LARS1: variants seen among roughly 807,000 people sequenced by gnomAD.
The protein encoded by LARS1 is leucine--tRNA ligase, cytoplasmic.
In LARS1, 100 loss-of-function variants were observed where a neutral mutation model predicts 162.8. The observed-to-expected ratio is 0.61, with a 90% CI of 0.52 to 0.73. The LOEUF (loss-of-function observed/expected upper bound fraction) is 0.73, where lower values mean the gene tolerates loss of function less well. Ranked by LOEUF, LARS1 falls within the 30% of genes least tolerant of loss-of-function variation. LARS1 has a pLI of 0.00. For synonymous variants in LARS1, 457 were observed against 462.8 expected (o/e 0.99, Z 0.16); for missense variants, 1,258 against 1,408.9 (o/e 0.89, Z 1.71).
intron 21 of LARS1, 43 bp from the exon 22 acceptor site, chr5:146,135,707 T>C (rs781695314): frequency 1.4e-6 from 2 of 1,404,130 alleles, no homozygotes; most frequent in Non-Finnish European, 2.0e-6. Flanking sequence ...AACAGTAATA[T>C]AAATAAACCA....
At chr5:146,160,263 T>C (rs938044301) in intron 7 of LARS1, 111 bp downstream of exon 7, 3 of 533,978 alleles carry the variant, frequency 5.6e-6, no homozygotes, top group Non-Finnish European at 9.7e-6. Flanking sequence ...CTCAAACTCC[T>C]GGCCTCAAGC....
At chr5:146,151,192 T>G (rs886483891) in intron 14 of LARS1, among the ~76,000 whole-genome samples, 10 of 152,190 alleles carry the variant, frequency 6.6e-5, no homozygotes, top group Non-Finnish European at 1.2e-4. Flanking sequence ...GTTGCTTTTA[T>G]CATCATTCAA....
rs145152219 is a variant in LARS1 at position 146,151,642 on chromosome 5, T to G, written c.1425+220A>C. Among the ~76,000 whole-genome samples, 10 of 152,300 alleles carry G rather than the reference T, an allele frequency of 6.6e-5. No homozygotes were observed. In the East Asian group the frequency reaches 1.9e-3, roughly 29 times the overall value. On this transcript the variant is annotated intron_variant, in intron 14 of 31. Coordinates refer to ENST00000394434, the MANE Select transcript of LARS1 (RefSeq NM_020117.11). ...GTCAAGAAATTCACTCCATAGAGAT[T>G]CCTAGAGGGCACGAAAAAGACAATT...
rs201289395 is a variant in LARS1 at position 146,143,034 on chromosome 5, G to A, written c.1928C>T (p.Ala643Val). The A allele has an allele frequency of 1.7e-5, 27 of 1,613,792 alleles. No homozygotes were observed. Among genetic ancestry groups the A allele is most frequent in the Non-Finnish European group, 2.2e-5 (26 of 1,179,926 alleles). ...EVWDYVFFKE[A>V]PFPKTQIAKE... ...TGCAATCTGAGTCTTAGGAAATGGA[G>A]CCTCCTTGAAGAAAACATAATCCCA... The change falls in exon 20 of 32, where the codon GCT (alanine) becomes GTT (valine). Residue 643 changes from alanine to valine, a missense_variant. Coordinates refer to ENST00000394434, the MANE Select transcript of LARS1 (RefSeq NM_020117.11).
At position 146,170,488 on chromosome 5, in the gene LARS1, A is replaced by G. The variant is rs541925273; in HGVS notation, c.294+1422T>C. On this transcript the variant is annotated intron_variant, in intron 4 of 31. Coordinates refer to ENST00000394434, the MANE Select transcript of LARS1 (RefSeq NM_020117.11). Reference sequence around the variant, plus strand: ...CCGTCTCAAAAAAAAAAAAGGGGGGAAAAACAGATGGAAAGGACATTTTGA... The same window carrying G: ...CCGTCTCAAAAAAAAAAAAGGGGGGGAAAACAGATGGAAAGGACATTTTGA... Among the ~76,000 whole-genome samples the G allele has an allele frequency of 2.3e-3, 346 of 151,200 alleles. 1 individual carries two copies. Among genetic ancestry groups the G allele is most frequent in the Non-Finnish European group, 3.1e-3 (211 of 67,814 alleles).
chr5:146,150,626 CA>C (rs71581862), intron 14 of LARS1, among the ~76,000 whole-genome samples: 164 of 68,794 alleles, frequency 2.4e-3, no homozygotes, highest in African/African-American at 2.7e-3. Flanking sequence ...GACTCCGTCT[CA>C]AAAAAAAAAA....
In LARS1 at chr5:146,153,231, C is replaced by T. The variant is rs1753370614; in HGVS notation, c.1231-4G>A. 1 of 1,611,208 alleles carries T rather than the reference C, an allele frequency of 6.2e-7. No homozygotes were observed. On this transcript the variant is annotated splice_region_variant and splice_polypyrimidine_tract_variant and intron_variant, in intron 12 of 31. Coordinates refer to ENST00000394434, the MANE Select transcript of LARS1 (RefSeq NM_020117.11). Reference sequence around the variant, plus strand: ...TTCCATATTTTGCTCGTAAGGCCTACAGAAAAATTTGCAAGTTAACACTAA... The same window carrying T: ...TTCCATATTTTGCTCGTAAGGCCTATAGAAAAATTTGCAAGTTAACACTAA...
chr5:146,165,104 G>A (rs1276645498), intron 5 of LARS1, among the ~76,000 whole-genome samples: 1 of 152,076 alleles, frequency 6.6e-6, no homozygotes, highest in African/African-American at 2.4e-5. Context: ...GGGAGGCCGA[G>A]GCAGGCAGAT....
chr5:146,142,756 A>T, intron 20 of LARS1, 116 bp downstream of exon 20: 1 of 772,628 alleles, frequency 1.3e-6, no homozygotes, highest in Non-Finnish European at 2.0e-6. Flanking sequence ...TAAGAAAAAG[A>T]ATGTAACTGG....
intron 6 of LARS1, among the ~76,000 whole-genome samples, chr5:146,161,242 G>C (rs191547997): frequency 2.9e-4 from 44 of 152,276 alleles, no homozygotes; most frequent in African/African-American, 1.1e-3. Flanking sequence ...CTTTGTGCTG[G>C]TGGAGAGTCT....
At chr5:146,157,283 C>T (rs1753572460) in intron 10 of LARS1, 120 bp downstream of exon 10, 2 of 803,320 alleles carry the variant, frequency 2.5e-6, no homozygotes, top group South Asian at 1.7e-5. Flanking sequence ...ACAAGACTTA[C>T]ACAGTTTACT....
intron 20 of LARS1, 137 bp downstream of exon 20, chr5:146,142,735 C>T: frequency 1.5e-6 from 1 of 675,916 alleles, no homozygotes; most frequent in Admixed American, 3.1e-5. Context: ...TGCTTTAGTA[C>T]ATATTTAAGA....
chr5:146,125,810 G>T (rs1386656837), intron 28 of LARS1, among the ~76,000 whole-genome samples: 2 of 151,944 alleles, frequency 1.3e-5, no homozygotes, highest in Admixed American at 1.3e-4. Context: ...AAAACTAAGG[G>T]TCTAACCCAA....
intron 23 of LARS1, 155 bp from the exon 24 acceptor site, chr5:146,131,264 A>C (rs898122351): frequency 4.1e-6 from 2 of 488,534 alleles, no homozygotes; most frequent in African/African-American, 4.0e-5. Context: ...AATGCCCAGA[A>C]CATTTAAAAC....
At chr5:146,133,920 G>A (rs1053396009) in intron 22 of LARS1, among the ~76,000 whole-genome samples, 1 of 152,112 alleles carries the variant, frequency 6.6e-6, no homozygotes, top group Admixed American at 6.6e-5. Flanking sequence ...TCTCGGCTCA[G>A]TGCAACCTCC....
intron 10 of LARS1, among the ~76,000 whole-genome samples, chr5:146,154,233 C>T (rs1278846945): frequency 6.6e-6 from 1 of 152,050 alleles, no homozygotes; most frequent in Non-Finnish European, 1.5e-5. Flanking sequence ...AGGCTATTCA[C>T]AGGTGCTATC....
rs1423783928 is a variant in LARS1 at position 146,114,043 on chromosome 5, G to T, written c.*63C>A. 1.1e-5 allele frequency: 14 copies of T among 1,274,872 alleles called. No individual in the cohort carries two copies. Among genetic ancestry groups the T allele is most frequent in the Non-Finnish European group, 1.6e-5 (14 of 873,960 alleles). 79.0% of individuals were successfully genotyped at this position (1,274,872 alleles called of 1,614,324 possible). On this transcript the variant is annotated 3_prime_UTR_variant, in exon 32 of 32. Transcript: ENST00000394434. Reference sequence around the variant, plus strand: ...AGCCTAAGGTTCTGATAGCCAATCAGTAGACACAATCAGAGTAGTAGTATT... The same window carrying T: ...AGCCTAAGGTTCTGATAGCCAATCATTAGACACAATCAGAGTAGTAGTATT...
chr5:146,174,460 AT>A (rs1336440193), intron 2 of LARS1, among the ~76,000 whole-genome samples: 8 of 93,058 alleles, frequency 8.6e-5, no homozygotes, highest in African/African-American at 2.6e-4. Context: ...ATATATATAT[AT>A]ATCCATATAT....
At chr5:146,158,818 C>T (rs939938911) in intron 8 of LARS1, among the ~76,000 whole-genome samples, 5 of 152,124 alleles carry the variant, frequency 3.3e-5, no homozygotes, top group Non-Finnish European at 5.9e-5. Context: ...TCCTGGAGGC[C>T]GGGCACGGTG....
Sources: allele counts gnomAD v4.1 joint callset (sites outside exome capture counted in the v4.1 genomes callset), GRCh38; gene constraint gnomAD v4.1.1; transcripts MANE v1.5; gene names NCBI Gene and HGNC (gene_info 2026-07-23, HGNC 2026-07-21).